The following ZBTB40 variants were observed in gnomAD, a reference collection of about 807,000 sequenced individuals.
ZBTB40 encodes the protein zinc finger and BTB domain containing 40, also known as zinc finger and BTB domain-containing protein 40.
ZBTB40 carries 60 observed loss-of-function variants against 117.5 expected under a neutral mutation model. The ratio of observed to expected loss-of-function variants is 0.51; its 90% CI spans 0.41 to 0.63. ZBTB40 has a LOEUF of 0.63. ZBTB40 is among the 30% of genes least tolerant of loss of function. The probability of loss-of-function intolerance (pLI) is 0.00; values close to 1 mark genes in which losing one functional copy is unlikely to be tolerated. For missense variants in ZBTB40, 1,287 were observed against 1,498.5 expected (o/e 0.86, Z 2.33); for synonymous variants, 525 against 577.1 (o/e 0.91, Z 1.29).
intron 1 of ZBTB40, among the ~76,000 whole-genome samples, chr1:22,476,117 C>T (rs935081000): frequency 2.6e-5 from 4 of 152,186 alleles, no homozygotes; most frequent in Non-Finnish European, 5.9e-5. Context: ...GTATTATTTT[C>T]CTCCCTATTC....
intron 1 of ZBTB40, among the ~76,000 whole-genome samples, chr1:22,468,249 C>A (rs556190321): frequency 2.0e-5 from 3 of 151,956 alleles, no homozygotes; most frequent in Non-Finnish European, 2.9e-5. Context: ...CCAAGGTCAC[C>A]GAGTAAGTGT....
chr1:22,512,133 A>G lies in ZBTB40; in HGVS notation c.2460A>G (p.Ser820=), dbSNP rs1423696501. ...DLCGREFAHA[S]GMQYHKLTEH... ...GTGGCAGAGAATTTGCCCATGCCTC[A>G]GGTACGTTCAAGAAGGCAAAGGAAC... Residue 820 remains serine, a splice_region_variant and synonymous_variant, in exon 11 of 18, where the codon TCA becomes TCG. Transcript: ENST00000375647. 1 of 1,612,734 alleles carries G rather than the reference A, an allele frequency of 6.2e-7. No individual in the cohort carries two copies. The highest frequency in any genetic ancestry group is 8.5e-7 in the Non-Finnish European group (1 of 1,180,052).
chr1:22,505,817 C>T (rs888450858), intron 5 of ZBTB40, among the ~76,000 whole-genome samples: 1 of 152,054 alleles, frequency 6.6e-6, no homozygotes, highest in Non-Finnish European at 1.5e-5. Context: ...GATACACAGA[C>T]CTGCAATTGA....
intron 1 of ZBTB40, among the ~76,000 whole-genome samples, chr1:22,476,280 C>T (rs1005576598): frequency 1.3e-5 from 2 of 152,182 alleles, no homozygotes; most frequent in Admixed American, 6.5e-5. Flanking sequence ...AGTGCAATGG[C>T]GTGATCTCAG....
chr1:22,509,501 C>T (rs1047749065), intron 9 of ZBTB40, among the ~76,000 whole-genome samples: 2 of 152,116 alleles, frequency 1.3e-5, no homozygotes, highest in Non-Finnish European at 1.5e-5. Flanking sequence ...TGCGCACCAC[C>T]GTGCCCTGCT....
In ZBTB40 at chr1:22,483,138, G is replaced by A. The variant is rs187148727; in HGVS notation, c.-69-6742G>A. 1.6e-3 allele frequency among the ~76,000 whole-genome samples: 248 copies of A among 150,486 alleles called. 2 individuals carry two copies. The highest frequency in any genetic ancestry group is 1.7e-3 in the Non-Finnish European group (117 of 67,706). On this transcript the variant is annotated intron_variant, in intron 1 of 17. Transcript: ENST00000375647. ...CCTCCCTGTCTTTTCATGGCTTTAT[G>A]TCTCATATCTTTTTAGCACTTTTTA... is the stretch of plus-strand genomic sequence containing the variant.
At position 22,526,533 on chromosome 1, in the gene ZBTB40, G is replaced by A; in HGVS notation, c.*137G>A. 1 of 1,105,056 alleles carries A rather than the reference G, an allele frequency of 9.0e-7. No individual in the cohort carries two copies. Among genetic ancestry groups the A allele is most frequent in the East Asian group, 2.5e-5 (1 of 39,468 alleles). The allele number at this position is 1,105,056 out of a possible 1,614,324, so 68.5% of individuals were successfully genotyped here. Reference sequence around the variant, plus strand: ...GCACCAACCAACACAGTCTCACCTAGAAAACAGATGGAAGCTTCGTTGTTC... The same window carrying A: ...GCACCAACCAACACAGTCTCACCTAAAAAACAGATGGAAGCTTCGTTGTTC... On this transcript the variant is annotated 3_prime_UTR_variant, in exon 18 of 18. Transcript: ENST00000375647.
In ZBTB40 at chr1:22,520,164, C is replaced by T. The variant is rs76118790; in HGVS notation, c.2937C>T (p.Pro979=). The T allele has an allele frequency of 2.3e-4, 373 of 1,614,210 alleles. 3 individuals carry two copies. The East Asian group carries it at 7.1e-3, about 31-fold the overall frequency. Residue 979 remains proline (P), a synonymous_variant, in exon 14 of 18, where the codon CCC becomes CCT. Transcript: ENST00000375647. ...IHEVHSKEYH[P]CPTCGKIFSA... is the part of the protein sequence containing the mutation. ...AGGTGCACTCCAAAGAGTACCACCC[C>T]TGCCCCACGTGTGGGAAGATCTTCA...
chr1:22,526,273 G>T lies in ZBTB40; in HGVS notation c.3597G>T (p.Gly1199=). ...CTTTGGAGGAGACCCAGCTTGCCGG[G>T]TCGCAGGTGTTTGTGACGTTGCCAG... ...VITLEETQLA[G]SQVFVTLPDS... The change falls in exon 18 of 18, where the codon GGG becomes GGT. Residue 1199 remains glycine (G), a synonymous_variant. Transcript: ENST00000375647. The T allele has an allele frequency of 6.2e-7, 1 of 1,614,194 alleles. No homozygotes were observed. The highest frequency in any genetic ancestry group is 1.7e-5 in the Admixed American group (1 of 60,026).
At chr1:22,519,331 A>G (rs1383644174) in intron 13 of ZBTB40, among the ~76,000 whole-genome samples, 1 of 152,260 alleles carries the variant, frequency 6.6e-6, no homozygotes, top group Non-Finnish European at 1.5e-5. Context: ...AAGGGTTGGC[A>G]TATCCAATCA....
chr1:22,454,194 C>T (rs905762724), intron 1 of ZBTB40, among the ~76,000 whole-genome samples: 1 of 152,172 alleles, frequency 6.6e-6, no homozygotes, highest in African/African-American at 2.4e-5. Flanking sequence ...CTCAAGTGAT[C>T]TGCCCGCCTC....
chr1:22,457,483 G>A (rs10917235), intron 1 of ZBTB40, among the ~76,000 whole-genome samples: 35,924 of 152,074 alleles, frequency 0.24, 4,803 homozygotes, highest in African/African-American at 0.34. Flanking sequence ...TTCCATTTAA[G>A]CATTAGAGAT....
In ZBTB40 at chr1:22,512,916, T is replaced by C; in HGVS notation, c.2462-8T>C. The C allele has an allele frequency of 6.2e-7, 1 of 1,614,200 alleles. No individual in the cohort carries two copies. Among genetic ancestry groups the C allele is most frequent in the Non-Finnish European group, 8.5e-7 (1 of 1,180,014 alleles). ...TCTTCTGGCCTCTGGTGTGCTTGGC[T>C]TCCCTAGGCATGCAGTACCATAAGC... is the stretch of plus-strand genomic sequence containing the variant. On this transcript the variant is annotated splice_polypyrimidine_tract_variant and splice_region_variant and intron_variant, in intron 11 of 17. Transcript: ENST00000375647.
intron 3 of ZBTB40, among the ~76,000 whole-genome samples, chr1:22,495,656 C>T (rs1403502087): frequency 6.6e-6 from 1 of 152,130 alleles, no homozygotes; most frequent in African/African-American, 2.4e-5. Context: ...GGACTACAGG[C>T]ACGCACACCC....
At chr1:22,496,386 C>T (rs181820828) in intron 3 of ZBTB40, among the ~76,000 whole-genome samples, 1 of 152,166 alleles carries the variant, frequency 6.6e-6, no homozygotes, top group East Asian at 1.9e-4. Context: ...ACTACGTTGC[C>T]TGGGAGGCAC....
At position 22,502,255 on chromosome 1, in the gene ZBTB40, AT is replaced by A. The variant is rs776883281; in HGVS notation, c.1025-42del. On this transcript the variant is annotated intron_variant, in intron 4 of 17. Coordinates refer to ENST00000375647, the MANE Select transcript of ZBTB40 (RefSeq NM_014870.4). Reference sequence around the variant, plus strand: ...CAAACCATGCTGTCATTTTCTTCAAATTGACTAGCTTCTCTTGTGTGTCTCT... The same window carrying A: ...CAAACCATGCTGTCATTTTCTTCAAATGACTAGCTTCTCTTGTGTGTCTCT... 3 of 1,595,608 alleles carry A rather than the reference AT, an allele frequency of 1.9e-6. No individual in the cohort carries two copies. In the Admixed American group the frequency reaches 5.3e-5, roughly 28 times the overall value.
intron 1 of ZBTB40, among the ~76,000 whole-genome samples, chr1:22,429,392 G>A (rs1361327306): frequency 6.6e-6 from 1 of 151,374 alleles, no homozygotes; most frequent in Non-Finnish European, 1.5e-5. Context: ...AAAAAAAAAA[G>A]AAAGAAATTC....
At chr1:22,452,298 C>G (rs2124376551) in intron 1 of ZBTB40, among the ~76,000 whole-genome samples, 1 of 152,332 alleles carries the variant, frequency 6.6e-6, no homozygotes, top group African/African-American at 2.4e-5. Flanking sequence ...GCACCTCCCT[C>G]TCGGCCCGTC....
Position 22,526,390 on chromosome 1 carries a change from C to G in ZBTB40, c.3714C>G (p.Ala1238=), listed in dbSNP as rs1184590074. 1.1e-5 allele frequency: 18 copies of G among 1,613,904 alleles called. No individual in the cohort carries two copies. Among genetic ancestry groups the G allele is most frequent in the Non-Finnish European group, 1.4e-5 (17 of 1,180,018 alleles). ...CAGTGACGCTGATCTGTGGTGAGGC[C>G]AAATGAGCAGCCTTTCATCCGGCAG... ...DGTVTLICGE[A]K The change falls in exon 18 of 18, where the codon GCC becomes GCG. Residue 1238 remains alanine, a synonymous_variant. Coordinates refer to ENST00000375647, the MANE Select transcript of ZBTB40 (RefSeq NM_014870.4).
Sources: allele counts gnomAD v4.1 joint callset (sites outside exome capture counted in the v4.1 genomes callset), GRCh38; gene constraint gnomAD v4.1.1; transcripts MANE v1.5; gene names NCBI Gene and HGNC (gene_info 2026-07-23, HGNC 2026-07-21).